Variants in GNAI1 observed in about 807,000 individuals in gnomAD.
GNAI1 encodes the protein guanine nucleotide-binding protein G(i) subunit alpha-1.
In GNAI1, 11 loss-of-function variants were observed where a neutral mutation model predicts 38.9. That is an observed-to-expected ratio of 0.28 (90% confidence interval 0.18 to 0.47). GNAI1 has a LOEUF of 0.47. Ranked by LOEUF, GNAI1 falls within the 20% of genes least tolerant of loss-of-function variation. The pLI is 0.99. For missense variants in GNAI1, 317 were observed against 436.9 expected (o/e 0.73, Z 2.45); for synonymous variants, 166 against 145.1 (o/e 1.14, Z -1.04).
chr7:80,210,461 T>C (rs1788853446), intron 5 of GNAI1, among the ~76,000 whole-genome samples: 1 of 152,148 alleles, frequency 6.6e-6, no homozygotes, highest in African/African-American at 2.4e-5. Flanking sequence ...CCTGAAATGG[T>C]TTCTTCTTTA....
At chr7:80,140,305 A>T (rs1035650834) in intron 1 of GNAI1, among the ~76,000 whole-genome samples, 1 of 152,192 alleles carries the variant, frequency 6.6e-6, no homozygotes, top group Non-Finnish European at 1.5e-5. Flanking sequence ...TAATGCATAA[A>T]AAGTATGACT....
At chr7:80,178,428 A>C (rs958737461) in intron 1 of GNAI1, among the ~76,000 whole-genome samples, 1 of 152,148 alleles carries the variant, frequency 6.6e-6, no homozygotes, top group African/African-American at 2.4e-5. Context: ...TCTTTCTTGA[A>C]AGGTAGAGTC....
chr7:80,201,000 A>G (rs541045823), intron 4 of GNAI1, among the ~76,000 whole-genome samples: 4 of 152,058 alleles, frequency 2.6e-5, no homozygotes, highest in Non-Finnish European at 5.9e-5. Context: ...TGAATATTTG[A>G]TTATTTTCTG....
chr7:80,179,661 C>T (rs1321896113), intron 1 of GNAI1, among the ~76,000 whole-genome samples: 1 of 152,154 alleles, frequency 6.6e-6, no homozygotes, highest in African/African-American at 2.4e-5. Flanking sequence ...TACCATATCA[C>T]CATTTCATAA....
Position 80,139,627 on chromosome 7 carries a change from ATCT to A in GNAI1, c.118+4351_118+4353del, listed in dbSNP as rs1171720649. On this transcript the variant is annotated intron_variant, in intron 1 of 7. Coordinates refer to ENST00000649796, the MANE Select transcript of GNAI1 (RefSeq NM_002069.6). ...GGCTTCTTAATTATGTAAAATTATT[ATCT>A]TGCTGGAATATAAACTTTGTGCTCT... Among the ~76,000 whole-genome samples the A allele has an allele frequency of 2.0e-4, 31 of 152,348 alleles. No homozygotes were observed. In the East Asian group the frequency reaches 5.4e-3, roughly 27 times the overall value.
chr7:80,170,374 C>T (rs2116153915), intron 1 of GNAI1, among the ~76,000 whole-genome samples: 1 of 152,084 alleles, frequency 6.6e-6, no homozygotes, highest in East Asian at 1.9e-4. Flanking sequence ...TTTTGATTTC[C>T]ATTTCCCTGA....
At chr7:80,145,767 T>G (rs1787608669) in intron 1 of GNAI1, among the ~76,000 whole-genome samples, 1 of 152,174 alleles carries the variant, frequency 6.6e-6, no homozygotes, top group Non-Finnish European at 1.5e-5. Flanking sequence ...TGTCCTCTTA[T>G]AATTTTTCAT....
chr7:80,144,739 T>C (rs989370304), intron 1 of GNAI1, among the ~76,000 whole-genome samples: 3 of 152,210 alleles, frequency 2.0e-5, no homozygotes, highest in Non-Finnish European at 4.4e-5. Context: ...CTTACAGTTA[T>C]AATCAATATA....
chr7:80,144,918 G>A (rs1005693741), intron 1 of GNAI1, among the ~76,000 whole-genome samples: 1 of 152,184 alleles, frequency 6.6e-6, no homozygotes, highest in African/African-American at 2.4e-5. Context: ...TGTATGCAAG[G>A]TATATTTTGT....
chr7:80,157,037 A>T (rs1280070968), intron 1 of GNAI1, among the ~76,000 whole-genome samples: 1 of 152,168 alleles, frequency 6.6e-6, no homozygotes, highest in African/African-American at 2.4e-5. Flanking sequence ...AAAAATGCGT[A>T]ATTACATTTA....
chr7:80,142,215 C>T (rs921990389), intron 1 of GNAI1, among the ~76,000 whole-genome samples: 3 of 152,124 alleles, frequency 2.0e-5, no homozygotes, highest in Non-Finnish European at 2.9e-5. Context: ...AGCAGCACCC[C>T]ATTTCCCATT....
intron 1 of GNAI1, among the ~76,000 whole-genome samples, chr7:80,187,952 A>G (rs377233959): frequency 5.3e-5 from 8 of 152,288 alleles, no homozygotes; most frequent in African/African-American, 1.9e-4. Flanking sequence ...TAGTATTTTC[A>G]TGTTAGGGTA....
At position 80,226,135 on chromosome 7, in the gene GNAI1, CTT is replaced by C; in HGVS notation, c.*8645_*8646del. Reference sequence around the variant, plus strand: ...CTAGATTTTATATCAACTTAATTGTCTTTTGGTTTAAAATTATGTATCCAATA... The same window carrying C: ...CTAGATTTTATATCAACTTAATTGTCTTGGTTTAAAATTATGTATCCAATA... On this transcript the variant is annotated 3_prime_UTR_variant, in exon 8 of 8. Coordinates refer to ENST00000649796, the MANE Select transcript of GNAI1 (RefSeq NM_002069.6). Among the ~76,000 whole-genome samples, 1 of 152,094 alleles carries C rather than the reference CTT, an allele frequency of 6.6e-6. No individual in the cohort carries two copies. Among genetic ancestry groups the C allele is most frequent in the East Asian group, 1.9e-4 (1 of 5,180 alleles).
At chr7:80,140,092 T>G (rs1010493213) in intron 1 of GNAI1, among the ~76,000 whole-genome samples, 7 of 151,894 alleles carry the variant, frequency 4.6e-5, no homozygotes, top group African/African-American at 1.4e-4. Flanking sequence ...CACGCCATTC[T>G]CCTGCCTCAG....
rs572007314 is a variant in GNAI1 at position 80,205,661 on chromosome 7, G to A, written c.590+1829G>A. ...AGAAATTCAAACTTTACAAGACCGT[G>A]TATATATCTAACTTTTACCCAACTC... is the stretch of plus-strand genomic sequence containing the variant. On this transcript the variant is annotated intron_variant, in intron 5 of 7. Transcript: ENST00000649796. Among the ~76,000 whole-genome samples the A allele has an allele frequency of 3.9e-5, 6 of 151,964 alleles. 2 individuals are homozygous for A. The highest frequency in any genetic ancestry group is 1.4e-4 in the African/African-American group (6 of 41,472).
chr7:80,214,786 T>C (rs1053998566), intron 7 of GNAI1, among the ~76,000 whole-genome samples: 1 of 152,200 alleles, frequency 6.6e-6, no homozygotes, highest in African/African-American at 2.4e-5. Context: ...TCTCCTCCTC[T>C]TCTTTTTCCT....
intron 1 of GNAI1, among the ~76,000 whole-genome samples, chr7:80,145,026 C>T (rs941858446): frequency 1.3e-5 from 2 of 152,150 alleles, no homozygotes; most frequent in South Asian, 2.1e-4. Flanking sequence ...TCCATCAATT[C>T]GTCCTCTCTT....
intron 4 of GNAI1, among the ~76,000 whole-genome samples, chr7:80,203,062 T>C (rs998079335): frequency 6.6e-6 from 1 of 152,222 alleles, no homozygotes; most frequent in African/African-American, 2.4e-5. Context: ...CTTAATCTCT[T>C]ACATTGCATG....
Position 80,221,597 on chromosome 7 carries a change from A to G in GNAI1, c.*4104A>G, listed in dbSNP as rs1322767589. ...CTGTCGTTTTAATGTAACCAATAGT[A>G]TGAGAGAGTTTATATTTTAATGTTA... is the stretch of plus-strand genomic sequence containing the variant. On this transcript the variant is annotated 3_prime_UTR_variant, in exon 8 of 8. Transcript: ENST00000649796. 6.9e-6 allele frequency among the ~76,000 whole-genome samples: 1 copy of G among 145,468 alleles called. No individual in the cohort carries two copies. Among genetic ancestry groups the G allele is most frequent in the African/African-American group, 2.5e-5 (1 of 39,510 alleles).
Sources: gnomAD v4.1 joint callset for allele counts (sites outside exome capture counted in the v4.1 genomes callset) on GRCh38, gnomAD v4.1.1 for gene constraint, MANE v1.5 for transcripts, NCBI Gene and HGNC (gene_info 2026-07-23, HGNC 2026-07-21) for gene names.